Variants in AGTPBP1 observed in about 807,000 individuals in gnomAD.
The protein encoded by AGTPBP1 is cytosolic carboxypeptidase 1.
AGTPBP1 carries 70 observed loss-of-function variants against 143.9 expected under a neutral mutation model. The observed-to-expected ratio is 0.49, with a 90% confidence interval of 0.40 to 0.59. AGTPBP1 has a LOEUF of 0.59. Ranked by LOEUF, AGTPBP1 falls within the 20% of genes least tolerant of loss-of-function variation. The pLI is 0.00. For missense variants in AGTPBP1, 1,229 were observed against 1,464.5 expected (o/e 0.84, Z 2.62); for synonymous variants, 463 against 500.2 (o/e 0.93, Z 0.99).
chr9:85,744,717 C>T (rs569664381), upstream of AGTPBP1, among the ~76,000 whole-genome samples: 3 of 152,318 alleles, frequency 2.0e-5, no homozygotes, highest in South Asian at 2.1e-4. Context: ...CCAGTGTGCA[C>T]GCGGGCCCTT....
At chr9:85,764,909 G>T in the AGTPBP1 span, 1 of 1,101,676 alleles carries the variant, frequency 9.1e-7, no homozygotes, top group Non-Finnish European at 1.4e-6. Flanking sequence ...AAAAATGGTA[G>T]AGTGTTATCA....
chr9:85,652,198 C>A (rs753649885), intron 11 of AGTPBP1, among the ~76,000 whole-genome samples: 23 of 152,006 alleles, frequency 1.5e-4, no homozygotes, highest in Non-Finnish European at 2.6e-4. Flanking sequence ...CCATAAAAAC[C>A]CTAAACAATG....
chr9:85,753,440 G>T, the AGTPBP1 span: 15 of 1,613,000 alleles, frequency 9.3e-6, no homozygotes, highest in Non-Finnish European at 1.1e-5. Flanking sequence ...TCTATTTAGC[G>T]TTTCCTGGTT....
At chr9:85,758,427 G>A in the AGTPBP1 span, among the ~76,000 whole-genome samples, 34 of 152,212 alleles carry the variant, frequency 2.2e-4, 1 homozygote, top group South Asian at 6.8e-3. Flanking sequence ...GGCAGGTCAC[G>A]GGAGGTCAGG....
chr9:85,719,016 C>G (rs1837920787), intron 1 of AGTPBP1, among the ~76,000 whole-genome samples: 1 of 152,068 alleles, frequency 6.6e-6, no homozygotes, highest in African/African-American at 2.4e-5. Flanking sequence ...CTGTTCTGTT[C>G]CATTGGTCTA....
At chr9:85,775,483 A>T in the AGTPBP1 span, among the ~76,000 whole-genome samples, 369 of 149,330 alleles carry the variant, frequency 2.5e-3, 2 homozygotes, top group African/African-American at 8.7e-3. Flanking sequence ...TTAATCAAGG[A>T]TCTCTAAAGG....
chr9:85,639,428 G>A (rs1401507304), intron 13 of AGTPBP1, among the ~76,000 whole-genome samples: 2 of 150,768 alleles, frequency 1.3e-5, no homozygotes, highest in Non-Finnish European at 3.0e-5. Context: ...GAAAATTACT[G>A]GACATCTCCC....
chr9:85,777,532 G>T, the AGTPBP1 span, among the ~76,000 whole-genome samples: 1 of 152,162 alleles, frequency 6.6e-6, no homozygotes, highest in Non-Finnish European at 1.5e-5. Flanking sequence ...GGGCCCATTG[G>T]GCAATGACAG....
intron 1 of AGTPBP1, among the ~76,000 whole-genome samples, chr9:85,715,938 A>G (rs905392881): frequency 3.3e-5 from 5 of 152,196 alleles, no homozygotes; most frequent in Non-Finnish European, 5.9e-5. Context: ...TTACTGAATC[A>G]TTTTCATCAC....
intron 25 of AGTPBP1, among the ~76,000 whole-genome samples, chr9:85,554,805 T>A (rs893989585): frequency 1.3e-5 from 2 of 152,186 alleles, no homozygotes; most frequent in African/African-American, 4.8e-5. Flanking sequence ...GCATGAACTT[T>A]AAGTAATAAT....
intron 17 of AGTPBP1, among the ~76,000 whole-genome samples, chr9:85,618,347 C>T (rs1830714811): frequency 6.6e-6 from 1 of 152,116 alleles, no homozygotes; most frequent in African/African-American, 2.4e-5. Context: ...AACACCAATG[C>T]TACACAAGTG....
upstream of AGTPBP1, chr9:85,742,160 G>T (rs1372428494): frequency 3.5e-6 from 2 of 565,710 alleles, no homozygotes; most frequent in African/African-American, 4.0e-5. Flanking sequence ...GAGGGAGCGC[G>T]CGCGTGGGGG....
At chr9:85,743,271 A>C (rs1824490276), upstream of AGTPBP1, among the ~76,000 whole-genome samples, 1 of 152,224 alleles carries the variant, frequency 6.6e-6, no homozygotes, top group Non-Finnish European at 1.5e-5. Flanking sequence ...CAATATAGGA[A>C]GATATTATGT....
chr9:85,681,126 A>AAAATT, intron 4 of AGTPBP1, 142 bp downstream of exon 4: 1 of 750,196 alleles, frequency 1.3e-6, no homozygotes, highest in Non-Finnish European at 2.1e-6. Context: ...CTCTAAAACA[A>AAAATT]AAATTATTAC....
intron 1 of AGTPBP1, 142 bp from the exon 2 acceptor site, chr9:85,712,708 T>C: frequency 2.5e-6 from 1 of 407,168 alleles, no homozygotes; most frequent in Non-Finnish European, 4.3e-6. Context: ...ATTTGAGTTC[T>C]ATGTGCTTCT....
intron 1 of AGTPBP1, among the ~76,000 whole-genome samples, chr9:85,730,731 C>T (rs894136578): frequency 3.3e-5 from 5 of 152,186 alleles, no homozygotes; most frequent in Admixed American, 6.5e-5. Context: ...AAGATGGAAA[C>T]GCACTCTATC....
the AGTPBP1 span, among the ~76,000 whole-genome samples, chr9:85,795,966 G>A: frequency 6.8e-6 from 1 of 147,276 alleles, no homozygotes; most frequent in African/African-American, 2.5e-5. Flanking sequence ...GATAAGAGAT[G>A]GTTGGAGAGT....
chr9:85,671,525 A>G (rs1341977248), intron 7 of AGTPBP1, among the ~76,000 whole-genome samples: 1 of 152,194 alleles, frequency 6.6e-6, no homozygotes, highest in Non-Finnish European at 1.5e-5. Context: ...ACATATACAT[A>G]AGCTTATGTA....
At chr9:85,731,613 T>C (rs1838885754) in intron 1 of AGTPBP1, among the ~76,000 whole-genome samples, 2 of 152,060 alleles carry the variant, frequency 1.3e-5, no homozygotes, top group South Asian at 4.1e-4. Context: ...AGCCACCTAA[T>C]TGTTTTTTCC....
Sources: gnomAD v4.1 joint callset for allele counts (sites outside exome capture counted in the v4.1 genomes callset) on GRCh38, gnomAD v4.1.1 for gene constraint, MANE v1.5 for transcripts, NCBI Gene and HGNC (gene_info 2026-07-23, HGNC 2026-07-21) for gene names.